Variants in MAPK6 observed in about 807,000 individuals in gnomAD.
The protein encoded by MAPK6 is mitogen-activated protein kinase 6, also known as ERK-3.
In MAPK6, 19 loss-of-function variants were observed where a neutral mutation model predicts 59.3. That is an observed-to-expected ratio of 0.32 (90% CI 0.22 to 0.47). The LOEUF (loss-of-function observed/expected upper bound fraction) is 0.47. MAPK6 is among the 20% of genes least tolerant of loss of function. The probability of loss-of-function intolerance (pLI) is 1.00; values close to 1 mark genes in which losing one functional copy is unlikely to be tolerated. For synonymous variants in MAPK6, 316 were observed against 290.3 expected (o/e 1.09, Z -0.90); for missense variants, 724 against 847.9 (o/e 0.85, Z 1.81).
intron 1 of MAPK6, among the ~76,000 whole-genome samples, chr15:52,037,642 T>C (rs151022610): frequency 9.2e-5 from 14 of 152,278 alleles, no homozygotes; most frequent in African/African-American, 3.4e-4. Flanking sequence ...GCCTTCTTCA[T>C]GTTGTTGGCA....
At chr15:51,979,606 A>C (rs1177448024) in intron 1 of MAPK6, among the ~76,000 whole-genome samples, 2 of 151,654 alleles carry the variant, frequency 1.3e-5, no homozygotes, top group African/African-American at 4.8e-5. Context: ...CAACTTGGGA[A>C]ATAAGGCGAA....
intron 3 of MAPK6, among the ~76,000 whole-genome samples, chr15:52,012,181 C>G (rs2030074744): frequency 6.6e-6 from 1 of 152,226 alleles, no homozygotes; most frequent in South Asian, 2.1e-4. Context: ...CACAACAACC[C>G]TTTAGCAAAT....
intron 3 of MAPK6, among the ~76,000 whole-genome samples, chr15:52,056,300 C>G (rs1055419452): frequency 7.2e-5 from 11 of 152,222 alleles, no homozygotes; most frequent in Non-Finnish European, 1.5e-4. Flanking sequence ...TTTACCTCTT[C>G]TGCTAGATCA....
At chr15:52,034,491 G>A (rs1348066692) in intron 1 of MAPK6, among the ~76,000 whole-genome samples, 2 of 151,566 alleles carry the variant, frequency 1.3e-5, no homozygotes, top group Non-Finnish European at 2.9e-5. Flanking sequence ...TGTGTTTTTT[G>A]TAGAGACGGG....
intron 1 of MAPK6, chr15:52,042,654 T>A (rs2141076661): frequency 6.6e-6 from 1 of 152,330 alleles, no homozygotes; most frequent in East Asian, 1.9e-4. Flanking sequence ...AGTGGTGTAA[T>A]TTTTGACAAA....
intron 2 of MAPK6, among the ~76,000 whole-genome samples, chr15:52,001,713 T>A (rs1395496493): frequency 6.6e-6 from 1 of 152,146 alleles, no homozygotes; most frequent in Non-Finnish European, 1.5e-5. Context: ...TTCACCATGT[T>A]GGCCAGGCTG....
chr15:52,006,033 T>G (rs1305537210), intron 3 of MAPK6, among the ~76,000 whole-genome samples: 3 of 152,172 alleles, frequency 2.0e-5, no homozygotes, highest in Non-Finnish European at 4.4e-5. Flanking sequence ...GACAAAAATA[T>G]GGCAAATGAG....
intron 1 of MAPK6, among the ~76,000 whole-genome samples, chr15:52,043,736 T>C (rs1280249082): frequency 6.8e-6 from 1 of 148,018 alleles, no homozygotes; most frequent in Non-Finnish European, 1.5e-5. Context: ...GGACTTAAGT[T>C]GTTTGATTTT....
rs879487311 is a variant in MAPK6 at position 52,021,132 on chromosome 15, T to TA, written c.-632+1763dup. Among the ~76,000 whole-genome samples the TA allele has an allele frequency of 1.3e-4, 20 of 152,234 alleles. No individual in the cohort carries two copies. In the South Asian group the frequency reaches 1.9e-3, roughly 14 times the overall value. On this transcript the variant is annotated intron_variant, in intron 1 of 5. Transcript: ENST00000261845. ...GATTTGAAGTCAGTTAATTTTGTAATAAAAAAATGCACACATTCTAAAGAC... is the reference window on the plus strand; with the variant it reads ...GATTTGAAGTCAGTTAATTTTGTAATAAAAAAAATGCACACATTCTAAAGAC...
At chr15:51,989,959 A>G (rs1291542136) in intron 2 of MAPK6, among the ~76,000 whole-genome samples, 3 of 152,190 alleles carry the variant, frequency 2.0e-5, no homozygotes, top group African/African-American at 4.8e-5. Flanking sequence ...CTAGCAGGCT[A>G]CTAGAGACAA....
upstream of MAPK6, among the ~76,000 whole-genome samples, chr15:52,018,352 C>T (rs1181479288): frequency 6.6e-6 from 1 of 152,136 alleles, no homozygotes; most frequent in African/African-American, 2.4e-5. Context: ...TTGAAGTGGT[C>T]TTTGCCTCTT....
chr15:52,036,645 C>T, intron 1 of MAPK6, among the ~76,000 whole-genome samples: 1 of 152,166 alleles, frequency 6.6e-6, no homozygotes. Context: ...CTTTGGGGGA[C>T]ACATTCAAAG....
At chr15:52,049,186 G>A (rs1479598426) in intron 2 of MAPK6, among the ~76,000 whole-genome samples, 1 of 152,084 alleles carries the variant, frequency 6.6e-6, no homozygotes, top group Non-Finnish European at 1.5e-5. Context: ...AGGATTTATA[G>A]TAGAGGTCAT....
chr15:52,054,371 G>T (rs143536323), intron 3 of MAPK6, among the ~76,000 whole-genome samples: 2 of 151,204 alleles, frequency 1.3e-5, no homozygotes, highest in Non-Finnish European at 1.5e-5. Flanking sequence ...CTGTATTGGG[G>T]GTGGGTGGGA....
rs1369633387 is a variant in MAPK6 at position 52,064,074 on chromosome 15, G to A, written c.1240G>A (p.Ala414Thr). 1.9e-6 allele frequency: 3 copies of A among 1,612,838 alleles called. No individual in the cohort carries two copies. The highest frequency in any genetic ancestry group is 1.1e-5 in the South Asian group (1 of 90,858). Reference protein sequence around the residue: ...GDREKYLEDPAFDTNYSTEPC... With the variant: ...GDREKYLEDPTFDTNYSTEPC... ...TCGGGAAAAGTATCTGGAGGATCCTGCTTTTGATACCAATTACTCTACTGA... is the reference window on the plus strand; with the variant it reads ...TCGGGAAAAGTATCTGGAGGATCCTACTTTTGATACCAATTACTCTACTGA... The change falls in exon 6 of 6, where the codon GCT (alanine) becomes ACT (threonine). Residue 414 changes from alanine (A) to threonine (T), a missense_variant. Physicochemically the swap from Ala to Thr is moderately conservative, Grantham distance 58 (BLOSUM62 0). This residue lies in a region of MAPK6 where 502 missense variants were observed against 507.6 expected (regional missense o/e 0.99). Coordinates refer to ENST00000261845, the MANE Select transcript of MAPK6 (RefSeq NM_002748.4).
chr15:52,022,639 T>G (rs1409414745), intron 1 of MAPK6, among the ~76,000 whole-genome samples: 2 of 151,230 alleles, frequency 1.3e-5, no homozygotes, highest in African/African-American at 4.9e-5. Flanking sequence ...ACCTAGAGGT[T>G]TTTTTTTTAC....
chr15:52,061,513 T>TAAATTAGAAAAATA lies in MAPK6; in HGVS notation c.1067+15_1067+28dup, dbSNP rs762267882. On this transcript the variant is annotated intron_variant, in intron 5 of 5. Coordinates refer to ENST00000261845, the MANE Select transcript of MAPK6 (RefSeq NM_002748.4). ...ATAACTGGGAAAGGTAAATTGATCC[T>TAAATTAGAAAAATA]AAATTAGAAAAATAATATTTACTGA... 6.3e-7 allele frequency: 1 copy of TAAATTAGAAAAATA among 1,588,034 alleles called. No homozygotes were observed. The highest frequency in any genetic ancestry group is 1.1e-5 in the South Asian group (1 of 90,218).
Position 52,032,980 on chromosome 15 carries a change from C to T in MAPK6, c.-631-12850C>T, listed in dbSNP as rs188063996. Among the ~76,000 whole-genome samples the T allele has an allele frequency of 4.7e-3, 720 of 152,068 alleles. 5 individuals carry two copies. Among genetic ancestry groups the T allele is most frequent in the Non-Finnish European group, 7.9e-3 (540 of 67,980 alleles). On this transcript the variant is annotated intron_variant, in intron 1 of 5. Coordinates refer to ENST00000261845, the MANE Select transcript of MAPK6 (RefSeq NM_002748.4). ...GGTTACAGGCGTGAGCCACCGCGCC[C>T]GGCCTCCTTTTTTTTAATGGAGACA...
intron 1 of MAPK6, among the ~76,000 whole-genome samples, chr15:51,982,858 A>G (rs1163715427): frequency 1.3e-5 from 2 of 152,208 alleles, no homozygotes; most frequent in African/African-American, 2.4e-5. Context: ...AAATTTCCCT[A>G]AAGAATCCAG....
Sources: allele counts gnomAD v4.1 joint callset (sites outside exome capture counted in the v4.1 genomes callset), GRCh38; gene constraint gnomAD v4.1.1; regional missense constraint gnomAD v4.1.1; transcripts MANE v1.5; gene names NCBI Gene and HGNC (gene_info 2026-07-23, HGNC 2026-07-21).